Variants in NTRK1 observed in about 807,000 individuals in gnomAD.
NTRK1 encodes the protein high affinity nerve growth factor receptor.
In NTRK1, 62 loss-of-function variants were observed where a neutral mutation model predicts 86.8. That is an observed-to-expected ratio of 0.71 (90% CI 0.58 to 0.88). NTRK1 has a LOEUF of 0.88. NTRK1 is among the 40% of genes least tolerant of loss of function. NTRK1 has a pLI of 0.00. For synonymous variants in NTRK1, 469 were observed against 456.6 expected, an observed-to-expected ratio of 1.03 and a Z score of -0.35; for missense variants, 967 against 1,078.4, an observed-to-expected ratio of 0.90 and a Z score of 1.45.
At chr1:156,860,683 A>T, upstream of NTRK1, 3 of 555,228 alleles carry the variant, frequency 5.4e-6, no homozygotes, top group Non-Finnish European at 8.6e-6. Flanking sequence ...GCCGGAGCTG[A>T]GGCGGATCCT....
At chr1:156,879,771 C>T (rs1217931916) in intron 15 of NTRK1, among the ~76,000 whole-genome samples, 1 of 152,082 alleles carries the variant, frequency 6.6e-6, no homozygotes, top group Non-Finnish European at 1.5e-5. Context: ...CCATCACGCC[C>T]AACTAATTTT....
At chr1:156,859,987 G>T (rs190983935), upstream of NTRK1, among the ~76,000 whole-genome samples, 2 of 152,214 alleles carry the variant, frequency 1.3e-5, no homozygotes, top group Non-Finnish European at 2.9e-5. The surrounding 1 kb of genome is among the most constrained non-coding windows in gnomAD (Gnocchi z 6.2). Context: ...CAAGGTGCGC[G>T]GTCCTCAGCT....
intron 6 of NTRK1, among the ~76,000 whole-genome samples, chr1:156,869,003 A>G (rs1647363523): frequency 1.4e-5 from 1 of 70,570 alleles, no homozygotes; most frequent in Non-Finnish European, 3.0e-5. Context: ...CCTCCCGTAC[A>G]TCACTTTTCT....
chr1:156,868,089 C>G lies in NTRK1; in HGVS notation c.429-15C>G. ...CCCTTTCCTTGACTCTGTTGGTGTC[C>G]CCCATGCCCCCCAGGGTCCTGTCGG... On this transcript the variant is annotated splice_polypyrimidine_tract_variant and intron_variant, in intron 4 of 16. Coordinates refer to ENST00000524377, the MANE Select transcript of NTRK1 (RefSeq NM_002529.4). 6.2e-7 allele frequency: 1 copy of G among 1,613,726 alleles called. No homozygotes were observed. Among genetic ancestry groups the G allele is most frequent in the Non-Finnish European group, 8.5e-7 (1 of 1,180,022 alleles).
intron 2 of NTRK1, chr1:156,846,414 G>A: frequency 1.1e-6 from 1 of 932,592 alleles, no homozygotes; most frequent in South Asian, 1.6e-5. Flanking sequence ...CAGCCTCTGT[G>A]GGCCAGGTGT....
At chr1:156,879,086 C>T (rs1177096797) in intron 14 of NTRK1, 36 bp from the exon 15 acceptor site, 2 of 1,611,686 alleles carry the variant, frequency 1.2e-6, no homozygotes, top group African/African-American at 1.3e-5. Context: ...GAGTTCTATC[C>T]TCCCAGCCTA....
intron 1 of NTRK1, among the ~76,000 whole-genome samples, chr1:156,863,992 A>G (rs1655806342): frequency 6.6e-6 from 1 of 152,174 alleles, no homozygotes; most frequent in African/African-American, 2.4e-5. Flanking sequence ...GCACATGTGC[A>G]GGTGCATGGC....
At chr1:156,853,461 C>T (rs182655699) in intron 2 of NTRK1, among the ~76,000 whole-genome samples, 1 of 152,336 alleles carries the variant, frequency 6.6e-6, no homozygotes, top group Non-Finnish European at 1.5e-5. Flanking sequence ...CACACTGCTT[C>T]TTGCGCTGCC....
chr1:156,833,637 A>G (rs1285642403), intron 1 of NTRK1, among the ~76,000 whole-genome samples: 1 of 152,150 alleles, frequency 6.6e-6, no homozygotes, highest in Non-Finnish European at 1.5e-5. Context: ...TAAGAAAAAT[A>G]ATAACTACCA....
intron 8 of NTRK1, 44 bp downstream of exon 8, chr1:156,874,003 C>G (rs1571696409): frequency 6.5e-7 from 1 of 1,536,030 alleles, no homozygotes; most frequent in Non-Finnish European, 8.8e-7. Flanking sequence ...CTGGGCTCCT[C>G]CTGGGTTACA....
intron 3 of NTRK1, 22 bp downstream of exon 3, chr1:156,864,821 C>G (rs1206413987): frequency 6.2e-7 from 1 of 1,608,676 alleles, no homozygotes; most frequent in Admixed American, 1.7e-5. Flanking sequence ...CAGTGCTGGG[C>G]AGTGGGAGTT....
intron 12 of NTRK1, 36 bp downstream of exon 12, chr1:156,875,702 TG>T: frequency 1.1e-6 from 1 of 950,718 alleles, no homozygotes; most frequent in East Asian, 6.8e-5. Context: ...CAGGGACGAG[TG>T]TGTGTGTGTG....
intron 6 of NTRK1, among the ~76,000 whole-genome samples, chr1:156,869,175 G>A (rs549324012): frequency 1.4e-4 from 22 of 152,030 alleles, no homozygotes; most frequent in Admixed American, 1.3e-3. Flanking sequence ...GGGTTCAAGC[G>A]ATTCTGCGAT....
At position 156,867,584 on chromosome 1, in the gene NTRK1, C is replaced by T. The variant is rs574382915; in HGVS notation, c.429-520C>T. ...CCTGGGCTCAAGCCATCCTCCGCCT[C>T]GGCCTCCCAAAGTGCCGGGATAACA... On this transcript the variant is annotated intron_variant, in intron 4 of 16. Transcript: ENST00000524377. Among the ~76,000 whole-genome samples, 150 of 152,324 alleles carry T rather than the reference C, an allele frequency of 9.8e-4. 2 individuals are homozygous for T. Among genetic ancestry groups the T allele is most frequent in the South Asian group, 5.4e-3 (26 of 4,822 alleles).
chr1:156,863,773 C>T (rs1477433174), intron 1 of NTRK1, among the ~76,000 whole-genome samples: 2 of 152,098 alleles, frequency 1.3e-5, no homozygotes, highest in African/African-American at 4.8e-5. Context: ...GCACAGGCTT[C>T]GTCTGTGCTG....
chr1:156,857,042 C>T (rs1655429027), upstream of NTRK1, among the ~76,000 whole-genome samples: 2 of 152,050 alleles, frequency 1.3e-5, no homozygotes, highest in South Asian at 2.1e-4. Context: ...CTATCCAGGC[C>T]CCATTCCTGA....
intron 1 of NTRK1, among the ~76,000 whole-genome samples, chr1:156,863,395 A>T (rs1373891405): frequency 1.3e-5 from 2 of 150,988 alleles, no homozygotes; most frequent in African/African-American, 4.9e-5. Flanking sequence ...CTCCTCGTTG[A>T]GCCTTTCCAT....
Position 156,854,365 on chromosome 1 carries a change from T to C in NTRK1, c.51-9989T>C. The C allele has an allele frequency of 1.4e-6, 2 of 1,479,430 alleles. No homozygotes were observed. Among genetic ancestry groups the C allele is most frequent in the South Asian group, 2.6e-5 (2 of 76,194 alleles). The allele number at this position is 1,479,430 out of a possible 1,614,324, so 91.6% of individuals were successfully genotyped here. ...CCAGGCCAAATTCCCCATCCAGCCC[T>C]GGCAGCTTTGGAGGGGAGCCACACT... On this transcript the variant is annotated intron_variant, in intron 2 of 16. Coordinates refer to the NTRK1 transcript ENST00000392302. This position sits in a 1 kb window ranked among gnomAD's most constrained non-coding sequence, Gnocchi z 4.2.
intron 1 of NTRK1, among the ~76,000 whole-genome samples, chr1:156,861,998 T>C (rs1655674424): frequency 6.6e-6 from 1 of 152,228 alleles, no homozygotes; most frequent in African/African-American, 2.4e-5. Context: ...CATATGGTGA[T>C]GGCTGGAAAA....
Sources: allele counts gnomAD v4.1 joint callset (sites outside exome capture counted in the v4.1 genomes callset), GRCh38; gene constraint gnomAD v4.1.1; non-coding constraint Gnocchi (gnomAD v3.1); transcripts MANE v1.5; gene names NCBI Gene and HGNC (gene_info 2026-07-23, HGNC 2026-07-21).